Variants in CAB39L observed in about 807,000 individuals in gnomAD.
CAB39L encodes the protein calcium-binding protein 39-like.
CAB39L carries 23 observed loss-of-function variants against 39.1 expected under a neutral mutation model. The ratio of observed to expected loss-of-function variants is 0.59; its 90% confidence interval spans 0.42 to 0.83. CAB39L has a LOEUF of 0.83. CAB39L is among the 40% of genes least tolerant of loss of function. CAB39L has a pLI of 0.00. For missense variants in CAB39L, 366 were observed against 391.9 expected (o/e 0.93, Z 0.56); for synonymous variants, 126 against 137.2 (o/e 0.92, Z 0.57).
chr13:49,315,884 C>CAAAAAAAAAAA (rs60700916), intron 10 of CAB39L, among the ~76,000 whole-genome samples: 1 of 120,176 alleles, frequency 8.3e-6, no homozygotes, highest in Non-Finnish European at 1.7e-5. Flanking sequence ...GTCTCCATCT[C>CAAAAAAAAAAA]AAAAAAAAAA....
intron 10 of CAB39L, among the ~76,000 whole-genome samples, chr13:49,313,747 T>C (rs1024602583): frequency 6.6e-6 from 1 of 152,180 alleles, no homozygotes; most frequent in African/African-American, 2.4e-5. Flanking sequence ...TCTGGTGTGA[T>C]GGTCTGGCCT....
intron 10 of CAB39L, among the ~76,000 whole-genome samples, chr13:49,329,501 T>A: frequency 7.2e-6 from 1 of 139,542 alleles, no homozygotes; most frequent in Non-Finnish European, 1.5e-5. Context: ...CCATGCCCCT[T>A]TCCCCATACC....
At chr13:49,440,950 T>C (rs539380342) in intron 1 of CAB39L, among the ~76,000 whole-genome samples, 38 of 152,162 alleles carry the variant, frequency 2.5e-4, no homozygotes, top group African/African-American at 8.4e-4. Context: ...AGAGAGATAG[T>C]CTGACTTCTT....
intron 3 of CAB39L, among the ~76,000 whole-genome samples, chr13:49,429,462 T>C (rs1345046962): frequency 6.6e-6 from 1 of 152,198 alleles, no homozygotes; most frequent in Admixed American, 6.5e-5. Context: ...GACATTAGGT[T>C]ATTTCCCATT....
At chr13:49,394,709 T>C (rs1956569251) in intron 3 of CAB39L, among the ~76,000 whole-genome samples, 2 of 152,270 alleles carry the variant, frequency 1.3e-5, no homozygotes, top group South Asian at 4.2e-4. Flanking sequence ...ACTTTTAAAC[T>C]TTTTACAATT....
chr13:49,433,944 T>C (rs1957367500), intron 2 of CAB39L, 142 bp downstream of exon 2: 1 of 325,194 alleles, frequency 3.1e-6, no homozygotes, highest in Non-Finnish European at 6.0e-6. Context: ...GCCTGCTAGA[T>C]TTTTTCTTTT....
intron 3 of CAB39L, among the ~76,000 whole-genome samples, chr13:49,397,218 A>T (rs1956659009): frequency 6.6e-6 from 1 of 152,210 alleles, no homozygotes; most frequent in South Asian, 2.1e-4. Flanking sequence ...TTGAAAACCT[A>T]TAGATATGAG....
chr13:49,438,440 T>C (rs893032698), intron 1 of CAB39L, among the ~76,000 whole-genome samples: 3 of 152,248 alleles, frequency 2.0e-5, no homozygotes, highest in Non-Finnish European at 2.9e-5. Flanking sequence ...TTTCCAATCA[T>C]TTCTTGGTTG....
At chr13:49,414,869 C>T (rs1957053406) in intron 3 of CAB39L, among the ~76,000 whole-genome samples, 1 of 151,960 alleles carries the variant, frequency 6.6e-6, no homozygotes, top group Non-Finnish European at 1.5e-5. Context: ...AAAGGAGCAG[C>T]TTTGTTTCGC....
intron 7 of CAB39L, among the ~76,000 whole-genome samples, chr13:49,345,334 T>C (rs1955116705): frequency 6.6e-6 from 1 of 152,230 alleles, no homozygotes; most frequent in Non-Finnish European, 1.5e-5. Context: ...TTGTGTACTA[T>C]AATTTTCAAA....
intron 3 of CAB39L, among the ~76,000 whole-genome samples, chr13:49,427,208 C>A (rs779428844): frequency 6.6e-6 from 1 of 152,090 alleles, no homozygotes; most frequent in Non-Finnish European, 1.5e-5. Flanking sequence ...TAGAAGGATC[C>A]CCTTTCCTCC....
intron 3 of CAB39L, among the ~76,000 whole-genome samples, chr13:49,432,176 A>G (rs563987041): frequency 7.2e-5 from 11 of 152,270 alleles, no homozygotes; most frequent in Admixed American, 6.5e-4. Flanking sequence ...AGACATACAT[A>G]CAAGCTCTTG....
At chr13:49,417,132 T>C (rs1040736046) in intron 3 of CAB39L, among the ~76,000 whole-genome samples, 3 of 152,232 alleles carry the variant, frequency 2.0e-5, no homozygotes, top group Non-Finnish European at 4.4e-5. Context: ...TAGTAATCCA[T>C]TCCTGATTAG....
At chr13:49,416,719 A>G (rs7985757) in intron 3 of CAB39L, among the ~76,000 whole-genome samples, 82,282 of 151,500 alleles carry the variant, frequency 0.54, 22,407 homozygotes, top group South Asian at 0.64. Context: ...TGGAAATAAC[A>G]TACCTATGTC....
chr13:49,421,985 C>A (rs925421161), intron 3 of CAB39L, among the ~76,000 whole-genome samples: 1 of 152,010 alleles, frequency 6.6e-6, no homozygotes, highest in African/African-American at 2.4e-5. Context: ...AAGAGATATA[C>A]CATTTGTTTG....
rs34396787 is a variant in CAB39L, at chr13:49,409,450, T to TAA, written c.-32+23866_-32+23867dup. On this transcript the variant is annotated intron_variant, in intron 3 of 10. Transcript: ENST00000409308. ...TAATAAAAGAGGTTTTTGTTTGCTT[T>TAA]AAAAAAAAAAAAAAAACCTTTCAAC... Among the ~76,000 whole-genome samples, 403 of 143,550 alleles carry TAA rather than the reference T, an allele frequency of 2.8e-3. 16 individuals are homozygous for TAA. In the South Asian group the frequency reaches 0.059, roughly 21 times the overall value. The allele number at this position is 143,550 out of a possible 152,430, so 94.2% of individuals were successfully genotyped here. A position where few individuals can be genotyped will look rare whatever the true frequency, so the allele number is the denominator to read the frequency against.
At chr13:49,360,766 G>C (rs1003557805) in intron 5 of CAB39L, among the ~76,000 whole-genome samples, 2 of 152,006 alleles carry the variant, frequency 1.3e-5, no homozygotes, top group African/African-American at 4.8e-5. Flanking sequence ...GTTCTCACAC[G>C]ATCTGATGGT....
rs376272946 is a variant in CAB39L at position 49,344,184 on chromosome 13, C to T, written c.619G>A (p.Asp207Asn). 19 of 1,578,400 alleles carry T rather than the reference C, an allele frequency of 1.2e-5. No homozygotes were observed. The Admixed American group carries it at 2.0e-4, about 17-fold the overall frequency. Residue 207 changes from aspartate to asparagine, a missense_variant, in exon 8 of 11, where the codon GAC (aspartate) becomes AAC (asparagine). Coordinates refer to ENST00000409308, the MANE Select transcript of CAB39L (RefSeq NM_001079670.3). ...LVADFLEQNYDTIFEDYEKLL... is the reference protein window; with the variant it reads ...LVADFLEQNYNTIFEDYEKLL... ...TAAAAATGATTTCTACTTACAGTGT[C>T]GTAATTTTGTTCTAAGAAGTCTGCT...
At chr13:49,403,484 T>C (rs896953336) in intron 3 of CAB39L, among the ~76,000 whole-genome samples, 4 of 151,850 alleles carry the variant, frequency 2.6e-5, no homozygotes, top group Non-Finnish European at 5.9e-5. Flanking sequence ...GAAAACATAA[T>C]GCATAAGGAG....
Sources: allele counts gnomAD v4.1 joint callset (sites outside exome capture counted in the v4.1 genomes callset), GRCh38; gene constraint gnomAD v4.1.1; transcripts MANE v1.5; gene names NCBI Gene and HGNC (gene_info 2026-07-23, HGNC 2026-07-21).